Variants in NR3C2 observed in about 807,000 individuals in gnomAD.
NR3C2 encodes mineralocorticoid receptor.
A neutral mutation model predicts 86.4 loss-of-function variants in NR3C2; 15 were observed. The ratio of observed to expected loss-of-function variants is 0.17; its 90% CI spans 0.12 to 0.27. The LOEUF is 0.27. NR3C2 is among the 10% of genes least tolerant of loss of function. NR3C2 has a pLI of 1.00. For synonymous variants in NR3C2, 458 were observed against 450.5 expected, an observed-to-expected ratio of 1.02 and a Z score of -0.21; for missense variants, 960 against 1,195.6, an observed-to-expected ratio of 0.80 and a Z score of 2.91.
At chr4:148,265,165 C>A (rs1561008277) in intron 2 of NR3C2, among the ~76,000 whole-genome samples, 1 of 152,062 alleles carries the variant, frequency 6.6e-6, no homozygotes, top group Non-Finnish European at 1.5e-5. Context: ...TTTGTAAAGA[C>A]AGTATTTCTC....
intron 2 of NR3C2, among the ~76,000 whole-genome samples, chr4:148,395,147 T>C (rs1481736009): frequency 6.6e-6 from 1 of 152,170 alleles, no homozygotes; most frequent in Non-Finnish European, 1.5e-5. Flanking sequence ...TGTGTATGTG[T>C]GGAGAGAGGA....
intron 2 of NR3C2, among the ~76,000 whole-genome samples, chr4:148,263,257 C>A (rs1241048205): frequency 6.6e-6 from 1 of 152,180 alleles, no homozygotes; most frequent in Non-Finnish European, 1.5e-5. Flanking sequence ...ATGCTCAAAA[C>A]AATATTTACT....
chr4:148,275,928 A>G (rs866533545), intron 2 of NR3C2, among the ~76,000 whole-genome samples: 2 of 152,214 alleles, frequency 1.3e-5, no homozygotes, highest in African/African-American at 2.4e-5. Flanking sequence ...TAAAACAAAC[A>G]TAATGTATGA....
chr4:148,318,818 T>C (rs1414212107), intron 2 of NR3C2, among the ~76,000 whole-genome samples: 7 of 152,126 alleles, frequency 4.6e-5, no homozygotes, highest in African/African-American at 1.4e-4. Flanking sequence ...TTCTCCCATT[T>C]TGTAGGTTGC....
chr4:148,296,044 C>CAA (rs529710200), intron 2 of NR3C2, among the ~76,000 whole-genome samples: 3,253 of 73,016 alleles, frequency 0.045, 169 homozygotes, highest in Middle Eastern at 0.083. Context: ...GAGCTGAGGC[C>CAA]AAAAAAAAAA....
intron 2 of NR3C2, among the ~76,000 whole-genome samples, chr4:148,390,085 G>A (rs1235733398): frequency 6.6e-6 from 1 of 151,048 alleles, no homozygotes; most frequent in East Asian, 1.9e-4. Flanking sequence ...CGGGCAAGGA[G>A]GGAAGGAAAT....
chr4:148,332,525 C>T (rs1056812972), intron 2 of NR3C2, among the ~76,000 whole-genome samples: 3 of 152,134 alleles, frequency 2.0e-5, no homozygotes, highest in African/African-American at 7.2e-5. Flanking sequence ...ATAGTTATCT[C>T]TGAGAGGTTT....
chr4:148,428,541 C>G (rs1014183690), intron 2 of NR3C2, among the ~76,000 whole-genome samples: 9 of 152,128 alleles, frequency 5.9e-5, no homozygotes, highest in African/African-American at 2.2e-4. Context: ...GTAACTTACC[C>G]ATACTAATTT....
intron 6 of NR3C2, among the ~76,000 whole-genome samples, chr4:148,151,545 A>T (rs1408589197): frequency 6.6e-6 from 1 of 152,210 alleles, no homozygotes; most frequent in Non-Finnish European, 1.5e-5. Context: ...TTTGCAGTAC[A>T]TCACATGTGG....
intron 2 of NR3C2, among the ~76,000 whole-genome samples, chr4:148,431,993 A>G (rs1398044452): frequency 1.3e-5 from 2 of 152,130 alleles, no homozygotes; most frequent in Admixed American, 1.3e-4. Context: ...TAAATTATTT[A>G]AGTTAAAAAT....
At chr4:148,360,595 T>C (rs892484611) in intron 2 of NR3C2, among the ~76,000 whole-genome samples, 5 of 152,190 alleles carry the variant, frequency 3.3e-5, no homozygotes, top group Non-Finnish European at 5.9e-5. Flanking sequence ...GTTATAAGTA[T>C]CCGACATATT....
At chr4:148,334,786 A>T (rs1744399214) in intron 2 of NR3C2, among the ~76,000 whole-genome samples, 1 of 152,200 alleles carries the variant, frequency 6.6e-6, no homozygotes. Flanking sequence ...AGGAGAATTT[A>T]TTCTCTCTAC....
intron 4 of NR3C2, among the ~76,000 whole-genome samples, chr4:148,171,568 T>C (rs1560958592): frequency 2.0e-5 from 3 of 152,220 alleles, no homozygotes; most frequent in Non-Finnish European, 4.4e-5. Context: ...CCCAGATCCC[T>C]TGAATGTGCA....
intron 4 of NR3C2, among the ~76,000 whole-genome samples, chr4:148,160,966 A>G (rs1372121629): frequency 6.6e-6 from 1 of 152,174 alleles, no homozygotes; most frequent in Non-Finnish European, 1.5e-5. Context: ...CAACTAAGTA[A>G]TCTGGCCATG....
intron 3 of NR3C2, among the ~76,000 whole-genome samples, chr4:148,200,040 A>G (rs889010811): frequency 2.6e-5 from 4 of 152,240 alleles, no homozygotes; most frequent in African/African-American, 7.2e-5. Context: ...TGAAACATGG[A>G]AAGGACAGAT....
At chr4:148,267,699 A>G (rs911221714) in intron 2 of NR3C2, among the ~76,000 whole-genome samples, 1 of 152,126 alleles carries the variant, frequency 6.6e-6, no homozygotes, top group Non-Finnish European at 1.5e-5. Flanking sequence ...ACATTATATC[A>G]TTAAGATAAA....
chr4:148,334,543 A>AAAAC (rs563560612), intron 2 of NR3C2, among the ~76,000 whole-genome samples: 20 of 152,334 alleles, frequency 1.3e-4, no homozygotes, highest in Middle Eastern at 3.4e-3. Context: ...CTCCATCTCA[A>AAAAC]AAACAAACAA....
chr4:148,417,039 AGT>A (rs1429088743), intron 2 of NR3C2, among the ~76,000 whole-genome samples: 1 of 152,132 alleles, frequency 6.6e-6, no homozygotes, highest in Non-Finnish European at 1.5e-5. Flanking sequence ...CGCCTCGCAA[AGT>A]GCTGGGATTA....
chr4:148,107,009 T>A (rs1186289037), intron 8 of NR3C2, among the ~76,000 whole-genome samples: 1 of 152,076 alleles, frequency 6.6e-6, no homozygotes, highest in African/African-American at 2.4e-5. Flanking sequence ...AATTGACAAA[T>A]GAGATTTAAT....
Sources: gnomAD v4.1 joint callset for allele counts (sites outside exome capture counted in the v4.1 genomes callset) on GRCh38, gnomAD v4.1.1 for gene constraint, MANE v1.5 for transcripts, NCBI Gene and HGNC (gene_info 2026-07-23, HGNC 2026-07-21) for gene names.